KCNQ1: variants seen among roughly 807,000 people sequenced by gnomAD.
KCNQ1 encodes the protein potassium voltage-gated channel subfamily KQT member 1.
In KCNQ1, 49 loss-of-function variants were observed where a neutral mutation model predicts 72.4. The observed-to-expected ratio is 0.68, with a 90% CI of 0.54 to 0.86. The LOEUF is 0.86. KCNQ1 is among the 40% of genes least tolerant of loss of function. The probability of loss-of-function intolerance (pLI) is 0.00; values close to 1 mark genes in which losing one functional copy is unlikely to be tolerated. For synonymous variants in KCNQ1, 450 were observed against 412.6 expected (o/e 1.09, Z -1.10); for missense variants, 790 against 945.1 (o/e 0.84, Z 2.15).
chr11:2,626,631 C>T lies in KCNQ1; in HGVS notation c.1394-35330C>T, dbSNP rs1038095527. 5.0e-6 allele frequency: 2 copies of T among 398,624 alleles called. No individual in the cohort carries two copies. Among genetic ancestry groups the T allele is most frequent in the Non-Finnish European group, 8.8e-6 (2 of 226,094 alleles). 24.7% of individuals were successfully genotyped at this position (398,624 alleles called of 1,614,324 possible). A position where few individuals can be genotyped will look rare whatever the true frequency, so the allele number is the denominator to read the frequency against. ...GCCACCTCAATCTCCCAGGCTCAAG[C>T]AATCCTCCCACCTCGGCTTCTTGAG... On this transcript the variant is annotated intron_variant, in intron 10 of 15. Transcript: ENST00000155840. This position sits in a 1 kb window ranked among gnomAD's most constrained non-coding sequence, Gnocchi z 4.0.
chr11:2,511,976 T>A (rs1847214377), intron 1 of KCNQ1, among the ~76,000 whole-genome samples: 1 of 152,156 alleles, frequency 6.6e-6, no homozygotes, highest in Non-Finnish European at 1.5e-5. Context: ...AGAGGAAGCG[T>A]GAGCATTTGT....
rs556037840 is a variant in KCNQ1 at position 2,818,691 on chromosome 11, G to A, written c.1795-29076G>A. 1.3e-5 allele frequency among the ~76,000 whole-genome samples: 2 copies of A among 152,228 alleles called. No homozygotes were observed. The highest frequency in any genetic ancestry group is 2.9e-5 in the Non-Finnish European group (2 of 68,006). Reference sequence around the variant, plus strand: ...ACCGGGCCCACCTGTTGGGTCCTTAGCACCAGCTGCCCAGAGCCCCCAGCC... The same window carrying A: ...ACCGGGCCCACCTGTTGGGTCCTTAACACCAGCTGCCCAGAGCCCCCAGCC... On this transcript the variant is annotated intron_variant, in intron 15 of 15. Coordinates refer to ENST00000155840, the MANE Select transcript of KCNQ1 (RefSeq NM_000218.3). The surrounding 1 kb of genome is among the most constrained non-coding windows in gnomAD (Gnocchi z 7.2).
chr11:2,514,133 C>G (rs968898234), intron 1 of KCNQ1, among the ~76,000 whole-genome samples: 7 of 152,202 alleles, frequency 4.6e-5, no homozygotes, highest in African/African-American at 1.7e-4. Context: ...GTGGGAGATG[C>G]CCCCCTCCCC....
chr11:2,550,296 G>A lies in KCNQ1; in HGVS notation c.478-20332G>A, dbSNP rs1847964191. 6.6e-6 allele frequency among the ~76,000 whole-genome samples: 1 copy of A among 152,164 alleles called. No individual in the cohort carries two copies. Among genetic ancestry groups the A allele is most frequent in the Non-Finnish European group, 1.5e-5 (1 of 68,034 alleles). On this transcript the variant is annotated intron_variant, in intron 2 of 15. Coordinates refer to ENST00000155840, the MANE Select transcript of KCNQ1 (RefSeq NM_000218.3). This position sits in a 1 kb window ranked among gnomAD's most constrained non-coding sequence, Gnocchi z 6.0. ...TGCAGTTGCAGAGCCGTGGCGCGGC[G>A]CCTGGATTTCCGACACACTGCAGCA...
intron 11 of KCNQ1, among the ~76,000 whole-genome samples, chr11:2,760,271 C>T (rs558088450): frequency 1.0e-3 from 158 of 152,328 alleles, no homozygotes; most frequent in African/African-American, 3.4e-3. Context: ...TGTACGTGGA[C>T]GGGGCAGGCG....
At chr11:2,777,493 C>A (rs1846728970) in intron 14 of KCNQ1, 1 of 536,918 alleles carries the variant, frequency 1.9e-6, no homozygotes. Context: ...TTCCTTGGGT[C>A]CCCTGGACAC....
rs1229653534 is a variant in KCNQ1, at chr11:2,803,976, A to G, written c.1794+25939A>G. Among the ~76,000 whole-genome samples, 1 of 152,104 alleles carries G rather than the reference A, an allele frequency of 6.6e-6. No homozygotes were observed. The highest frequency in any genetic ancestry group is 1.5e-5 in the Non-Finnish European group (1 of 68,020). On this transcript the variant is annotated intron_variant, in intron 15 of 15. Transcript: ENST00000155840. The surrounding 1 kb of genome is among the most constrained non-coding windows in gnomAD (Gnocchi z 6.4). Reference sequence around the variant, plus strand: ...AGAGCCTTGGCCAGCATGTGGCCGCAGCCCCAACTGCAGCGGAAGGTATCG... The same window carrying G: ...AGAGCCTTGGCCAGCATGTGGCCGCGGCCCCAACTGCAGCGGAAGGTATCG...
intron 1 of KCNQ1, among the ~76,000 whole-genome samples, chr11:2,480,245 G>A (rs1000619989): frequency 4.6e-5 from 7 of 152,004 alleles, no homozygotes; most frequent in South Asian, 4.1e-4. Context: ...CTTTACAGCC[G>A]CACCCCACTC....
intron 11 of KCNQ1, among the ~76,000 whole-genome samples, chr11:2,732,785 C>T (rs990746650): frequency 1.3e-5 from 2 of 152,172 alleles, no homozygotes; most frequent in African/African-American, 4.8e-5. Flanking sequence ...ACCGAGGCCT[C>T]GCCTTGCAGC....
Position 2,690,761 on chromosome 11 carries a change from G to A in KCNQ1, c.1514+28680G>A, listed in dbSNP as rs1850574940. The A allele has an allele frequency of 2.5e-6, 1 of 398,542 alleles. No individual in the cohort carries two copies. Among genetic ancestry groups the A allele is most frequent in the South Asian group, 1.3e-4 (1 of 7,868 alleles). 24.7% of individuals were successfully genotyped at this position (398,542 alleles called of 1,614,324 possible). A position where few individuals can be genotyped will look rare whatever the true frequency, so the allele number is the denominator to read the frequency against. ...AGTATGATCCCAAATCCCTTAGGTG[G>A]ATGTGGCCTGGCAGGGGGTCAGCAG... is the stretch of plus-strand genomic sequence containing the variant. On this transcript the variant is annotated intron_variant, in intron 11 of 15. Coordinates refer to ENST00000155840, the MANE Select transcript of KCNQ1 (RefSeq NM_000218.3). This position sits in a 1 kb window ranked among gnomAD's most constrained non-coding sequence, Gnocchi z 5.1.
intron 1 of KCNQ1, among the ~76,000 whole-genome samples, chr11:2,472,797 T>C (rs1449042108): frequency 3.9e-5 from 6 of 151,932 alleles, no homozygotes; most frequent in African/African-American, 9.7e-5. Flanking sequence ...TCCAGCTTGT[T>C]TGAGGAAAAA....
At position 2,516,817 on chromosome 11, in the gene KCNQ1, C is replaced by T. The variant is rs1378447203; in HGVS notation, c.387-11111C>T. 1.3e-5 allele frequency among the ~76,000 whole-genome samples: 2 copies of T among 152,136 alleles called. No individual in the cohort carries two copies. The highest frequency in any genetic ancestry group is 4.8e-5 in the African/African-American group (2 of 41,430). On this transcript the variant is annotated intron_variant, in intron 1 of 15. Coordinates refer to ENST00000155840, the MANE Select transcript of KCNQ1 (RefSeq NM_000218.3). This position sits in a 1 kb window ranked among gnomAD's most constrained non-coding sequence, Gnocchi z 7.0. ...CTGGCCCAGAGGTGTGCCAGGGCTG[C>T]ACTGGGCTCTTCTGGTGGGGAGGGA... is the stretch of plus-strand genomic sequence containing the variant.
In KCNQ1 at chr11:2,559,405, C is replaced by T. The variant is rs575960286; in HGVS notation, c.478-11223C>T. Among the ~76,000 whole-genome samples, 18 of 152,282 alleles carry T rather than the reference C, an allele frequency of 1.2e-4. No individual in the cohort carries two copies. The East Asian group carries it at 1.5e-3, about 13-fold the overall frequency. The stretch of plus-strand genomic sequence containing the variant: ...GGATGTGCCCTTGTGGCTACTTAGA[C>T]GTAGAGCCCGGGGCAGGGGGAGGGC... On this transcript the variant is annotated intron_variant, in intron 2 of 15. Transcript: ENST00000155840. This position sits in a 1 kb window ranked among gnomAD's most constrained non-coding sequence, Gnocchi z 4.9.
chr11:2,821,939 G>A (rs1433826860), intron 15 of KCNQ1, among the ~76,000 whole-genome samples: 1 of 152,172 alleles, frequency 6.6e-6, no homozygotes, highest in African/African-American at 2.4e-5. Context: ...ACTTTGCAGG[G>A]TGACTAAGTG....
rs921693881 is a variant in KCNQ1, at chr11:2,842,499, G to T, written c.1795-5268G>T. Among the ~76,000 whole-genome samples the T allele has an allele frequency of 2.2e-4, 33 of 152,196 alleles. 1 individual carries two copies. The highest frequency in any genetic ancestry group is 1.5e-5 in the Non-Finnish European group (1 of 68,030). ...CTCTGTGGCACACACAAAGGCCCAG[G>T]GGCCTGGGGGTGCAGGCAGGTGCAC... On this transcript the variant is annotated intron_variant, in intron 15 of 15. Transcript: ENST00000155840.
intron 1 of KCNQ1, among the ~76,000 whole-genome samples, chr11:2,453,539 C>T (rs575969689): frequency 9.2e-5 from 14 of 152,382 alleles, no homozygotes; most frequent in Non-Finnish European, 1.3e-4. Context: ...CAGTGACCCA[C>T]AGGGGGACCT....
Position 2,662,047 on chromosome 11 carries a change from G to T in KCNQ1, c.1480G>T (p.Glu494Ter). 2 of 1,614,250 alleles carry T rather than the reference G, an allele frequency of 1.2e-6. No individual in the cohort carries two copies. The highest frequency in any genetic ancestry group is 1.7e-6 in the Non-Finnish European group (2 of 1,180,048). Residue 494 changes from glutamate to a stop codon, truncating the protein, a stop_gained, in exon 11 of 16, where the codon GAG becomes TAG. Transcript: ENST00000155840. LOFTEE classifies it high-confidence loss of function. ...SFAEDLDLEG[E>*]TLLTPITHIS... is the part of the protein sequence containing the mutation. Reference sequence around the variant, plus strand: ...CGCCGAGGACCTGGACCTGGAAGGGGAGACTCTGCTGACACCCATCACCCA... The same window carrying T: ...CGCCGAGGACCTGGACCTGGAAGGGTAGACTCTGCTGACACCCATCACCCA...
intron 15 of KCNQ1, among the ~76,000 whole-genome samples, chr11:2,797,588 C>T (rs898452834): frequency 6.6e-6 from 1 of 152,142 alleles, no homozygotes; most frequent in Admixed American, 6.5e-5. Context: ...GCCCTTTCCC[C>T]ACTAGCATCT....
chr11:2,832,778 C>A (rs1447014823), intron 15 of KCNQ1, among the ~76,000 whole-genome samples: 2 of 152,178 alleles, frequency 1.3e-5, no homozygotes, highest in Non-Finnish European at 2.9e-5. Flanking sequence ...CTCCCCAAGG[C>A]AGGAGGAGAC....
Sources: allele counts gnomAD v4.1 joint callset (sites outside exome capture counted in the v4.1 genomes callset), GRCh38; gene constraint gnomAD v4.1.1; non-coding constraint Gnocchi (gnomAD v3.1); transcripts MANE v1.5; gene names NCBI Gene and HGNC (gene_info 2026-07-23, HGNC 2026-07-21).